Variants in RFX6 observed in about 807,000 individuals in gnomAD.
RFX6 encodes the protein regulatory factor X6.
A neutral mutation model predicts 110.8 loss-of-function variants in RFX6; 50 were observed. That is an observed-to-expected ratio of 0.45 (90% CI 0.36 to 0.57). RFX6 has a LOEUF of 0.57. Among genes scored for constraint, RFX6 ranks in the 20% least tolerant of loss-of-function variants. The pLI is 0.00. For missense variants in RFX6, 990 were observed against 1,127.0 expected (o/e 0.88, Z 1.74); for synonymous variants, 383 against 411.2 (o/e 0.93, Z 0.83).
At chr6:116,880,521 T>C (rs1236540624) in intron 2 of RFX6, 23 bp from the exon 3 acceptor site, 4 of 1,606,296 alleles carry the variant, frequency 2.5e-6, no homozygotes, top group Non-Finnish European at 3.4e-6. Context: ...ATATTTGACC[T>C]AATTTTTGTT....
intron 9 of RFX6, 103 bp downstream of exon 9, chr6:116,916,417 T>C (rs1402309597): frequency 4.7e-5 from 37 of 794,806 alleles, no homozygotes; most frequent in South Asian, 3.3e-4. Context: ...TATTTATGGC[T>C]GGATATACAC....
At chr6:116,877,708 T>G in intron 1 of RFX6, 88 bp from the exon 2 acceptor site, 9 of 1,065,822 alleles carry the variant, frequency 8.4e-6, no homozygotes, top group South Asian at 2.6e-5. Context: ...CCCAGTAGGC[T>G]ACTCCTTTGA....
intron 7 of RFX6, 100 bp downstream of exon 7, chr6:116,911,142 C>A: frequency 1.2e-6 from 1 of 843,070 alleles, no homozygotes. Context: ...AATCAGAAAT[C>A]TGCATAATCA....
chr6:116,930,027 G>T lies in RFX6; in HGVS notation c.2611+1056G>T, dbSNP rs563771803. On this transcript the variant is annotated intron_variant, in intron 18 of 18. Transcript: ENST00000332958. The stretch of plus-strand genomic sequence containing the variant: ...GAAGCAGAAAATTCCACTTCAGGAA[G>T]TTTTCTCACCATGAGACTAAAATGT... Among the ~76,000 whole-genome samples, 9 of 152,314 alleles carry T rather than the reference G, an allele frequency of 5.9e-5. No homozygotes were observed. In the South Asian group the frequency reaches 1.5e-3, roughly 25 times the overall value.
intron 10 of RFX6, 71 bp from the exon 11 acceptor site, chr6:116,919,066 C>A: frequency 1.5e-6 from 2 of 1,347,470 alleles, no homozygotes; most frequent in South Asian, 1.2e-5. Context: ...TAATAGTATA[C>A]CTCAATTAAA....
chr6:116,889,786 G>A (rs1774780326), intron 4 of RFX6, among the ~76,000 whole-genome samples: 1 of 152,064 alleles, frequency 6.6e-6, no homozygotes, highest in South Asian at 2.1e-4. Context: ...GTGGTGATAT[G>A]TTTAAGTATA....
chr6:116,908,297 C>T (rs964628169), intron 6 of RFX6, among the ~76,000 whole-genome samples: 2 of 151,926 alleles, frequency 1.3e-5, no homozygotes, highest in African/African-American at 4.8e-5. Flanking sequence ...TAATATTTTC[C>T]AGTTTCATCC....
intron 17 of RFX6, among the ~76,000 whole-genome samples, chr6:116,927,743 C>CCTTT (rs577771800): frequency 8.4e-6 from 1 of 119,560 alleles, no homozygotes; most frequent in Non-Finnish European, 1.7e-5. Context: ...GCCCTTCTTC[C>CCTTT]TTTTTTTTTT....
intron 6 of RFX6, among the ~76,000 whole-genome samples, chr6:116,895,961 C>T (rs1774936402): frequency 6.6e-6 from 1 of 152,212 alleles, no homozygotes; most frequent in African/African-American, 2.4e-5. Context: ...CCCCAACCCA[C>T]TAAATGGCCA....
At position 116,925,412 on chromosome 6, in the gene RFX6, A is replaced by AC. The variant is rs1562147954; in HGVS notation, c.1679-41_1679-40insC. ...CTTGGGTTTATCTACGAGGAATGTG[A>AC]GAAAAAATCTCAAATTTCCCATTTT... On this transcript the variant is annotated intron_variant, in intron 15 of 18. Transcript: ENST00000332958. The AC allele has an allele frequency of 1.0e-5, 13 of 1,250,398 alleles. No individual in the cohort carries two copies. In the Admixed American group the frequency reaches 2.1e-4, roughly 20 times the overall value. 77.5% of individuals were successfully genotyped at this position (1,250,398 alleles called of 1,614,324 possible).
In RFX6 at chr6:116,925,456, C is replaced by T. The variant is rs201446493; in HGVS notation, c.1682C>T (p.Ala561Val). The T allele has an allele frequency of 2.3e-5, 37 of 1,612,674 alleles. No individual in the cohort carries two copies. Among genetic ancestry groups the T allele is most frequent in the African/African-American group, 4.0e-5 (3 of 75,016 alleles). Residue 561 changes from alanine to valine, a missense_variant, in exon 16 of 19, where the codon GCG (alanine) becomes GTG (valine). Physicochemically the swap from Ala to Val is moderately conservative, Grantham distance 64 (BLOSUM62 0). Around this residue, in one of 5 missense-constraint regions of RFX6, gnomAD observed 89 missense variants for 140.3 expected, o/e 0.63. Coordinates refer to ENST00000332958, the MANE Select transcript of RFX6 (RefSeq NM_173560.4). ...CCATTTTAAAAACTCTTTCCAGATGCGAGTAAAGCTGCTTTCACTGCTTCT... is the reference window on the plus strand; with the variant it reads ...CCATTTTAAAAACTCTTTCCAGATGTGAGTAAAGCTGCTTTCACTGCTTCT... ...LLDKYMKNSD[A>V]SKAAFTASPS...
chr6:116,931,877 C>G lies in RFX6; in HGVS notation c.*371C>G. 5.1e-6 allele frequency: 1 copy of G among 194,430 alleles called. No individual in the cohort carries two copies. The highest frequency in any genetic ancestry group is 1.4e-4 in the East Asian group (1 of 7,132). The allele number at this position is 194,430 out of a possible 1,614,324, so 12.0% of individuals were successfully genotyped here. On this transcript the variant is annotated 3_prime_UTR_variant, in exon 19 of 19. Transcript: ENST00000332958. ...TTAAAAAGTATATTTAATGCCTTTACAATACCTTTAATTTATTAGGATCTC... is the reference window on the plus strand; with the variant it reads ...TTAAAAAGTATATTTAATGCCTTTAGAATACCTTTAATTTATTAGGATCTC...
chr6:116,877,391 T>C lies in RFX6; in HGVS notation c.116T>C (p.Val39Ala). ...CVQLLGKGLL[V>A]YPEETVYLAA... The stretch of plus-strand genomic sequence containing the variant: ...CAGCTCCTGGGCAAGGGCTTGCTAG[T>C]CTATCCGGAAGAAACAGTGTACCTG... The change falls in exon 1 of 19, where the codon GTC becomes GCC. Residue 39 changes from valine (V) to alanine (A), a missense_variant. Physicochemically the swap from Val to Ala is moderately conservative, Grantham distance 64. Transcript: ENST00000332958. 1 of 1,609,096 alleles carries C rather than the reference T, an allele frequency of 6.2e-7. No homozygotes were observed.
chr6:116,916,464 A>G (rs1428824056), intron 9 of RFX6, 150 bp downstream of exon 9: 2 of 665,010 alleles, frequency 3.0e-6, no homozygotes, highest in South Asian at 1.7e-5. Context: ...GCAATTTAAT[A>G]GTGCACGTTT....
chr6:116,877,757 AT>A, intron 1 of RFX6, 38 bp from the exon 2 acceptor site: 1 of 1,599,252 alleles, frequency 6.3e-7, no homozygotes, highest in Non-Finnish European at 8.5e-7. Flanking sequence ...TTGATTTTAT[AT>A]TCTATTTTTC....
At chr6:116,925,050 A>C (rs1775680768) in intron 15 of RFX6, among the ~76,000 whole-genome samples, 1 of 152,206 alleles carries the variant, frequency 6.6e-6, no homozygotes, top group Non-Finnish European at 1.5e-5. Context: ...ATTAAGGTGA[A>C]GTTGGAGAAG....
At chr6:116,909,302 G>GA (rs1455930216) in intron 6 of RFX6, among the ~76,000 whole-genome samples, 6 of 152,094 alleles carry the variant, frequency 3.9e-5, no homozygotes, top group Admixed American at 6.6e-5. Flanking sequence ...AAAAATATAT[G>GA]AAAAGTGCAA....
chr6:116,887,061 CA>C (rs1562133541), intron 4 of RFX6, among the ~76,000 whole-genome samples: 1 of 151,812 alleles, frequency 6.6e-6, no homozygotes, highest in Non-Finnish European at 1.5e-5. Context: ...GACTCCATCT[CA>C]AAACATAACA....
At chr6:116,926,977 T>G in intron 16 of RFX6, 50 bp from the exon 17 acceptor site, 1 of 1,458,468 alleles carries the variant, frequency 6.9e-7, no homozygotes, top group Non-Finnish European at 9.6e-7. Context: ...AGATGTGAGC[T>G]CATCTACTTT....
Sources: allele counts gnomAD v4.1 joint callset (sites outside exome capture counted in the v4.1 genomes callset), GRCh38; gene constraint gnomAD v4.1.1; regional missense constraint gnomAD v4.1.1; transcripts MANE v1.5; gene names NCBI Gene and HGNC (gene_info 2026-07-23, HGNC 2026-07-21).